The following PDE1C variants were observed in gnomAD, a reference collection of about 807,000 sequenced individuals.
PDE1C encodes the protein phosphodiesterase 1C, also known as dual specificity calcium/calmodulin-dependent 3',5'-cyclic nucleotide phosphodiesterase 1C.
PDE1C carries 62 observed loss-of-function variants against 93.1 expected under a neutral mutation model. The observed-to-expected ratio is 0.67, with a 90% CI of 0.54 to 0.82. The LOEUF is 0.82. PDE1C is among the 40% of genes least tolerant of loss of function. The probability of loss-of-function intolerance (pLI) is 0.00; values close to 1 mark genes in which losing one functional copy is unlikely to be tolerated. For missense variants in PDE1C, 742 were observed against 884.6 expected (o/e 0.84, Z 2.04); for synonymous variants, 325 against 310.1 (o/e 1.05, Z -0.50).
chr7:32,164,637 C>G (rs964848143), intron 3 of PDE1C, among the ~76,000 whole-genome samples: 6 of 152,130 alleles, frequency 3.9e-5, no homozygotes, highest in African/African-American at 1.4e-4. Context: ...AACTTGCCAG[C>G]CTTTTGAGGG....
chr7:32,304,722 T>C (rs1812955966), intron 1 of PDE1C, among the ~76,000 whole-genome samples: 1 of 152,184 alleles, frequency 6.6e-6, no homozygotes, highest in Non-Finnish European at 1.5e-5. Context: ...TCTTAGTTTT[T>C]TCTTTTGTAA....
chr7:32,313,155 G>C (rs915756989), intron 1 of PDE1C, among the ~76,000 whole-genome samples: 3 of 152,066 alleles, frequency 2.0e-5, no homozygotes, highest in Non-Finnish European at 2.9e-5. Flanking sequence ...ATGAAAAAAT[G>C]CTCATCTTCA....
At chr7:31,913,257 T>G (rs1398574496) in intron 2 of PDE1C, among the ~76,000 whole-genome samples, 2 of 152,236 alleles carry the variant, frequency 1.3e-5, no homozygotes, top group East Asian at 1.9e-4. Context: ...TTTAGCTCCC[T>G]GTGTAGTACA....
At chr7:31,786,958 A>G (rs1584077417) in intron 16 of PDE1C, 1 of 51,652 alleles carries the variant, frequency 1.9e-5, no homozygotes, top group African/African-American at 1.1e-4. Context: ...TCTATCTATC[A>G]TCTATCTATC....
intron 3 of PDE1C, among the ~76,000 whole-genome samples, chr7:32,156,363 A>T (rs1317178553): frequency 1.3e-5 from 2 of 152,082 alleles, no homozygotes; most frequent in Non-Finnish European, 2.9e-5. Flanking sequence ...GCTCCCACTT[A>T]TGAGTGTTTT....
intron 1 of PDE1C, among the ~76,000 whole-genome samples, chr7:32,235,150 C>T (rs1162267457): frequency 6.6e-6 from 1 of 151,998 alleles, no homozygotes; most frequent in East Asian, 1.9e-4. Flanking sequence ...TAAAATCATA[C>T]TTAAAGAGTG....
intron 3 of PDE1C, among the ~76,000 whole-genome samples, chr7:32,138,395 T>C (rs1466242310): frequency 6.6e-6 from 1 of 152,144 alleles, no homozygotes; most frequent in African/African-American, 2.4e-5. Flanking sequence ...TGTCAGTACA[T>C]AATTATATCA....
At chr7:32,404,041 G>A (rs956475979) in intron 1 of PDE1C, among the ~76,000 whole-genome samples, 21 of 152,066 alleles carry the variant, frequency 1.4e-4, no homozygotes, top group African/African-American at 5.1e-4. Flanking sequence ...GTACATATTA[G>A]CCCAACGACT....
chr7:32,386,188 T>G (rs906620759), intron 1 of PDE1C, among the ~76,000 whole-genome samples: 1 of 145,178 alleles, frequency 6.9e-6, no homozygotes, highest in East Asian at 2.0e-4. Context: ...ACACTATTTT[T>G]AATTTTTTTT....
intron 1 of PDE1C, among the ~76,000 whole-genome samples, chr7:32,339,425 G>A (rs774631196): frequency 2.6e-5 from 4 of 152,168 alleles, no homozygotes; most frequent in Non-Finnish European, 4.4e-5. Flanking sequence ...GAGCTCTGGA[G>A]ACTGATTGCA....
At chr7:32,221,386 C>A (rs967880161) in intron 1 of PDE1C, among the ~76,000 whole-genome samples, 1 of 152,192 alleles carries the variant, frequency 6.6e-6, no homozygotes, top group African/African-American at 2.4e-5. Context: ...TTTTCAGCAT[C>A]ATACGCCCCA....
chr7:31,684,192 G>C, the PDE1C span, among the ~76,000 whole-genome samples: 1 of 152,202 alleles, frequency 6.6e-6, no homozygotes, highest in Admixed American at 6.5e-5. Context: ...ATCAGCAACA[G>C]CAACAACAGC....
At chr7:32,177,282 G>T (rs904238736) in intron 2 of PDE1C, among the ~76,000 whole-genome samples, 1 of 152,136 alleles carries the variant, frequency 6.6e-6, no homozygotes, top group Non-Finnish European at 1.5e-5. Context: ...AGGAGAACAC[G>T]GAGAGTAAAT....
chr7:31,968,473 T>C lies in PDE1C; in HGVS notation c.128+83081A>G, dbSNP rs1810383044. On this transcript the variant is annotated intron_variant, in intron 2 of 17. Coordinates refer to ENST00000396191, the MANE Select transcript of PDE1C (RefSeq NM_001191057.4). ...TGAAATAAAAGAGGATACAAACAAA[T>C]GGAAGAACATTCCATGCTCATGGGT... is the stretch of plus-strand genomic sequence containing the variant. Among the ~76,000 whole-genome samples the C allele has an allele frequency of 2.6e-5, 4 of 152,144 alleles. No homozygotes were observed. The South Asian group carries it at 8.3e-4, about 32-fold the overall frequency.
intron 9 of PDE1C, among the ~76,000 whole-genome samples, chr7:31,845,466 T>C (rs1332683917): frequency 2.0e-5 from 3 of 152,048 alleles, no homozygotes; most frequent in Non-Finnish European, 2.9e-5. Context: ...ATAGGTTCAG[T>C]AAGCAATACA....
At chr7:32,221,558 T>C (rs1806867687) in intron 1 of PDE1C, among the ~76,000 whole-genome samples, 2 of 152,124 alleles carry the variant, frequency 1.3e-5, no homozygotes, top group African/African-American at 4.8e-5. Flanking sequence ...GAACAAACTC[T>C]CAGGTGATGG....
At chr7:31,616,979 A>C in the PDE1C span, among the ~76,000 whole-genome samples, 9 of 152,134 alleles carry the variant, frequency 5.9e-5, no homozygotes, top group Non-Finnish European at 1.2e-4. Context: ...TCTTCTGCAA[A>C]TTGCCTGTTG....
At chr7:32,422,958 T>C (rs1785461522) in intron 1 of PDE1C, among the ~76,000 whole-genome samples, 1 of 152,208 alleles carries the variant, frequency 6.6e-6, no homozygotes, top group Non-Finnish European at 1.5e-5. Context: ...AACTCACTAA[T>C]GGCTAACACA....
intron 1 of PDE1C, among the ~76,000 whole-genome samples, chr7:32,317,033 C>A (rs114606762): frequency 6.6e-6 from 1 of 152,086 alleles, no homozygotes; most frequent in Non-Finnish European, 1.5e-5. Flanking sequence ...ACACAGCCAG[C>A]GCTCCACACA....
Sources: gnomAD v4.1 joint callset for allele counts (sites outside exome capture counted in the v4.1 genomes callset) on GRCh38, gnomAD v4.1.1 for gene constraint, MANE v1.5 for transcripts, NCBI Gene and HGNC (gene_info 2026-07-23, HGNC 2026-07-21) for gene names.